Variants in PCDHA3 observed in about 807,000 individuals in gnomAD.
PCDHA3 encodes the protein protocadherin alpha 3.
Under a neutral mutation model 62.2 loss-of-function variants are expected in PCDHA3, and 41 were observed. The observed-to-expected ratio is 0.66, with a 90% CI of 0.51 to 0.86. The LOEUF is 0.86. PCDHA3 is among the 40% of genes least tolerant of loss of function. The pLI is 0.00. For synonymous variants in PCDHA3, 640 were observed against 555.4 expected, an observed-to-expected ratio of 1.15 and a Z score of -2.14; for missense variants, 1,304 against 1,241.2, an observed-to-expected ratio of 1.05 and a Z score of -0.76.
At chr5:140,882,452 C>A (rs782448323) in intron 1 of PCDHA3, 1 of 1,614,042 alleles carries the variant, frequency 6.2e-7, no homozygotes, top group East Asian at 2.2e-5. Context: ...GCTGGTGCCG[C>A]GCCTGTTCCG....
chr5:141,007,683 A>G (rs576789056), intron 3 of PCDHA3, among the ~76,000 whole-genome samples: 1 of 152,268 alleles, frequency 6.6e-6, no homozygotes, highest in African/African-American at 2.4e-5. Context: ...AAGTTATCCT[A>G]CTTCCACCTC....
intron 3 of PCDHA3, among the ~76,000 whole-genome samples, chr5:140,983,986 G>A (rs1475891501): frequency 2.0e-5 from 3 of 152,176 alleles, no homozygotes; most frequent in African/African-American, 7.2e-5. Context: ...ACGAGTTGAA[G>A]CAATTCATTA....
At chr5:140,881,195 A>G (rs943462031) in intron 1 of PCDHA3, 1 of 173,206 alleles carries the variant, frequency 5.8e-6, no homozygotes, top group Non-Finnish European at 1.1e-5. Context: ...ATATGTTAAC[A>G]TCTTTGTCTA....
At chr5:140,835,810 C>T (rs2150245361) in intron 1 of PCDHA3, 3 of 1,612,990 alleles carry the variant, frequency 1.9e-6, no homozygotes, top group Non-Finnish European at 2.5e-6. Flanking sequence ...CACATCTTCA[C>T]TGTGTCGGCG....
At chr5:141,002,595 C>T (rs2098087240) in intron 3 of PCDHA3, among the ~76,000 whole-genome samples, 2 of 152,192 alleles carry the variant, frequency 1.3e-5, no homozygotes, top group Admixed American at 1.3e-4. Context: ...TTAGTCCCCT[C>T]ATCTATAAAA....
intron 1 of PCDHA3, chr5:140,823,513 G>T: frequency 6.2e-7 from 1 of 1,613,474 alleles, no homozygotes; most frequent in Non-Finnish European, 8.5e-7. Context: ...GAGCGAGCTG[G>T]TGCCGAGGTC....
At chr5:140,841,429 C>T in intron 1 of PCDHA3, 1 of 1,612,960 alleles carries the variant, frequency 6.2e-7, no homozygotes, top group African/African-American at 1.3e-5. Context: ...ACTCCGTCCC[C>T]GAGGAGGCCA....
intron 3 of PCDHA3, among the ~76,000 whole-genome samples, chr5:141,006,247 T>C (rs1554260651): frequency 2.0e-5 from 3 of 152,126 alleles, no homozygotes; most frequent in Non-Finnish European, 2.9e-5. Context: ...AGTCTTGCTC[T>C]GTTGCCCAGG....
chr5:140,874,039 GTGA>G (rs1372721490), intron 1 of PCDHA3, among the ~76,000 whole-genome samples: 1 of 152,152 alleles, frequency 6.6e-6, no homozygotes, highest in African/African-American at 2.4e-5. Context: ...AAGAAACTTG[GTGA>G]TGATATTAGA....
At chr5:140,822,605 T>C (rs1335450895) in intron 1 of PCDHA3, 6 of 1,607,780 alleles carry the variant, frequency 3.7e-6, no homozygotes, top group Non-Finnish European at 5.1e-6. Flanking sequence ...AAGGAAATAG[T>C]GTATTTCTTT....
intron 1 of PCDHA3, among the ~76,000 whole-genome samples, chr5:140,956,813 T>C (rs1306502330): frequency 6.6e-6 from 1 of 152,176 alleles, no homozygotes; most frequent in African/African-American, 2.4e-5. Context: ...TATTATTGCT[T>C]CAATTTGTAA....
chr5:140,933,032 G>A (rs1425582468), intron 1 of PCDHA3, among the ~76,000 whole-genome samples: 1 of 152,016 alleles, frequency 6.6e-6, no homozygotes, highest in Non-Finnish European at 1.5e-5. Flanking sequence ...AGAACTTCAA[G>A]TGAATATGGA....
At chr5:140,869,788 T>C (rs782425741) in intron 1 of PCDHA3, 4 of 1,612,892 alleles carry the variant, frequency 2.5e-6, no homozygotes, top group African/African-American at 1.3e-5. Context: ...CGTTCGGCTG[T>C]TAGTCCAAGT....
intron 1 of PCDHA3, among the ~76,000 whole-genome samples, chr5:140,891,443 T>C (rs1181273099): frequency 6.7e-6 from 1 of 148,474 alleles, no homozygotes; most frequent in Non-Finnish European, 1.5e-5. Flanking sequence ...GTCCATTGTA[T>C]AGGATTTTTG....
At position 140,927,227 on chromosome 5, in the gene PCDHA3, T is replaced by G. The variant is rs782721972; in HGVS notation, c.2395-51722T>G. The G allele has an allele frequency of 3.2e-5, 51 of 1,613,848 alleles. No individual in the cohort carries two copies. The highest frequency in any genetic ancestry group is 1.6e-4 in the Middle Eastern group (1 of 6,084). ...CCGCTGGAGCTGCACAAGATTCGGA[T>G]TCACGTCCTGGACACCAATGACAAC... On this transcript the variant is annotated intron_variant, in intron 1 of 3. Coordinates refer to ENST00000522353, the MANE Select transcript of PCDHA3 (RefSeq NM_018906.3).
chr5:140,892,555 T>C (rs1554185273), intron 1 of PCDHA3, among the ~76,000 whole-genome samples: 1 of 152,260 alleles, frequency 6.6e-6, no homozygotes, highest in African/African-American at 2.4e-5. Context: ...TCTCTAGTCC[T>C]TGGAGACTGT....
chr5:140,841,901 C>G, intron 1 of PCDHA3: 1 of 1,613,844 alleles, frequency 6.2e-7, no homozygotes, highest in Non-Finnish European at 8.5e-7. Flanking sequence ...ACTGGTTGAG[C>G]TCGTATTAAG....
chr5:140,822,122 T>C (rs2150113817), intron 1 of PCDHA3: 12 of 1,614,232 alleles, frequency 7.4e-6, no homozygotes, highest in Non-Finnish European at 1.0e-5. Context: ...CTGCAGGTTT[T>C]CCATGTGGAG....
At chr5:140,844,971 G>A (rs2150375443) in intron 1 of PCDHA3, among the ~76,000 whole-genome samples, 3 of 149,220 alleles carry the variant, frequency 2.0e-5, no homozygotes, top group Admixed American at 6.7e-5. Context: ...TTTGTTATTA[G>A]TATTGTTTTA....
Sources: gnomAD v4.1 joint callset for allele counts (sites outside exome capture counted in the v4.1 genomes callset) on GRCh38, gnomAD v4.1.1 for gene constraint, MANE v1.5 for transcripts, NCBI Gene and HGNC (gene_info 2026-07-23, HGNC 2026-07-21) for gene names.